FAM136A: variants seen among roughly 807,000 people sequenced by gnomAD.
FAM136A encodes the protein TIM double twin CX3C motif protein.
A neutral mutation model predicts 21.6 loss-of-function variants in FAM136A; 25 were observed. That is an observed-to-expected ratio of 1.16 (90% confidence interval 0.84 to 1.62). FAM136A has a LOEUF of 1.62. FAM136A is among the 40% of genes most tolerant of loss of function. The probability of loss-of-function intolerance (pLI) is 0.00; values close to 1 mark genes in which losing one functional copy is unlikely to be tolerated. For missense variants in FAM136A, 338 were observed against 332.0 expected (o/e 1.02, Z -0.14); for synonymous variants, 119 against 129.4 (o/e 0.92, Z 0.55).
Position 70,300,722 on chromosome 2 carries a change from G to C in FAM136A, c.549+118C>G, listed in dbSNP as rs1315488591. On this transcript the variant is annotated intron_variant, in intron 2 of 2. Coordinates refer to ENST00000430566, the MANE Select transcript of FAM136A (RefSeq NM_001329752.2). ...CCCTGTGAAAACTGGTTGGCCATCA[G>C]TATCACAACTGTTAACAGAACCAAG... The C allele has an allele frequency of 2.4e-6, 3 of 1,261,168 alleles. No individual in the cohort carries two copies. The Admixed American group carries it at 7.3e-5, about 31-fold the overall frequency. 78.1% of individuals were successfully genotyped at this position (1,261,168 alleles called of 1,614,324 possible).
At chr2:70,299,050 A>G (rs1249635276) in intron 2 of FAM136A, among the ~76,000 whole-genome samples, 2 of 152,250 alleles carry the variant, frequency 1.3e-5, no homozygotes, top group Non-Finnish European at 2.9e-5. Context: ...CAAAGACCCC[A>G]TCTATAAAAT....
Position 70,297,033 on chromosome 2 carries a change from C to T in FAM136A, c.*256G>A, listed in dbSNP as rs1165894036. Reference sequence around the variant, plus strand: ...GAAAGCCTTACTGCCAGGACAAGCACTGGCCACAGGAAATAATAAGCTCTA... The same window carrying T: ...GAAAGCCTTACTGCCAGGACAAGCATTGGCCACAGGAAATAATAAGCTCTA... On this transcript the variant is annotated 3_prime_UTR_variant, in exon 3 of 3. Transcript: ENST00000430566. The T allele has an allele frequency of 2.6e-6, 1 of 390,262 alleles. No homozygotes were observed. Among genetic ancestry groups the T allele is most frequent in the Non-Finnish European group, 4.7e-6 (1 of 212,140 alleles). 24.2% of individuals were successfully genotyped at this position (390,262 alleles called of 1,614,324 possible).
chr2:70,301,931 C>A lies in FAM136A; in HGVS notation c.81G>T (p.Lys27Asn). ...TCGGCCCCAGCCCCGCTACCTGCAT[C>A]TTCCGGATGTTCTCTCTTTCCAGAC... is the stretch of plus-strand genomic sequence containing the variant. ...VKSLERENIR[K>N]MQVAGLGPNQ... Residue 27 changes from lysine (K) to asparagine (N), a missense_variant, in exon 1 of 3, where the codon AAG becomes AAT. Coordinates refer to ENST00000430566, the MANE Select transcript of FAM136A (RefSeq NM_001329752.2). The A allele has an allele frequency of 6.2e-7, 1 of 1,608,392 alleles. No individual in the cohort carries two copies. Among genetic ancestry groups the A allele is most frequent in the Non-Finnish European group, 8.5e-7 (1 of 1,178,444 alleles).
chr2:70,297,181 C>T lies in FAM136A; in HGVS notation c.*108G>A. ...GTGACATATGCCTTACGCTTGTGGC[C>T]ATCCTTCATTTCTTCATTCGTAAAC... On this transcript the variant is annotated 3_prime_UTR_variant, in exon 3 of 3. Coordinates refer to ENST00000430566, the MANE Select transcript of FAM136A (RefSeq NM_001329752.2). 1 of 1,142,486 alleles carries T rather than the reference C, an allele frequency of 8.8e-7. No homozygotes were observed. The highest frequency in any genetic ancestry group is 1.6e-5 in the South Asian group (1 of 63,162). 70.8% of individuals were successfully genotyped at this position (1,142,486 alleles called of 1,614,324 possible).
chr2:70,301,259 G>GGTA (rs762135093), intron 1 of FAM136A: 747 of 1,033,362 alleles, frequency 7.2e-4, no homozygotes, highest in Non-Finnish European at 9.8e-4. Context: ...AGTGGGTGAG[G>GGTA]GTAGGGTGGT....
chr2:70,298,426 T>G (rs1027936255), intron 2 of FAM136A, among the ~76,000 whole-genome samples: 2 of 152,244 alleles, frequency 1.3e-5, no homozygotes, highest in African/African-American at 4.8e-5. Context: ...AAACATTCAA[T>G]TCAACAAATA....
chr2:70,301,501 C>A, intron 1 of FAM136A, 103 bp downstream of exon 1: 2 of 1,535,772 alleles, frequency 1.3e-6, no homozygotes, highest in South Asian at 1.2e-5. Flanking sequence ...CGAGGTTGGG[C>A]GCAAGAGAAG....
intron 1 of FAM136A, 92 bp downstream of exon 1, chr2:70,301,512 C>A: frequency 6.5e-7 from 1 of 1,535,914 alleles, no homozygotes; most frequent in Non-Finnish European, 8.7e-7. Context: ...GCAAGAGAAG[C>A]AGGCATGACC....
At position 70,301,609 on chromosome 2, in the gene FAM136A, G is replaced by A. The variant is rs980651866; in HGVS notation, c.403C>T (p.Pro135Ser). ...CTGGGCCTCGGGCCGCTCACCTGCGGAAGGGGCCGCGTAAGAGGGGAAGGT... is the reference window on the plus strand; with the variant it reads ...CTGGGCCTCGGGCCGCTCACCTGCGAAAGGGGCCGCGTAAGAGGGGAAGGT... ...PPPSPLTRPL[P>S]QGLMFRCSAS... Residue 135 changes from proline to serine, a missense_variant, in exon 1 of 3, where the codon CCG becomes TCG. Coordinates refer to ENST00000430566, the MANE Select transcript of FAM136A (RefSeq NM_001329752.2). The A allele has an allele frequency of 6.5e-7, 1 of 1,535,994 alleles. No homozygotes were observed. Among genetic ancestry groups the A allele is most frequent in the Admixed American group, 2.0e-5 (1 of 50,996 alleles).
chr2:70,299,472 G>A (rs915564185), intron 2 of FAM136A, among the ~76,000 whole-genome samples: 1 of 152,186 alleles, frequency 6.6e-6, no homozygotes, highest in African/African-American at 2.4e-5. Context: ...TCCTGGGTGG[G>A]TGTATAAGTC....
chr2:70,301,049 A>G, intron 1 of FAM136A, 69 bp from the exon 2 acceptor site: 2 of 1,511,102 alleles, frequency 1.3e-6, no homozygotes, highest in East Asian at 2.3e-5. Context: ...GGAGCACTAC[A>G]GGAGTTAGAA....
rs1413845964 is a variant in FAM136A at position 70,296,955 on chromosome 2, C to T, written c.*334G>A. 2.5e-5 allele frequency: 5 copies of T among 197,702 alleles called. No homozygotes were observed. The highest frequency in any genetic ancestry group is 7.0e-5 in the African/African-American group (3 of 43,164). The allele number at this position is 197,702 out of a possible 1,614,324, so 12.2% of individuals were successfully genotyped here. A position where few individuals can be genotyped will look rare whatever the true frequency, so the allele number is the denominator to read the frequency against. On this transcript the variant is annotated 3_prime_UTR_variant, in exon 3 of 3. Coordinates refer to ENST00000430566, the MANE Select transcript of FAM136A (RefSeq NM_001329752.2). ...ACTCTAACCTGCCAGCCTGTTAGTA[C>T]CTGTGTAGTAAGAAGAGTCTGGTAC... is the stretch of plus-strand genomic sequence containing the variant.
rs373988641 is a variant in FAM136A at position 70,297,472 on chromosome 2, G to A, written c.555C>T (p.Arg185=). ...VTSELEKFQD[R]LARCTMHCND... is the part of the protein sequence containing the mutation. ...TGCAATGCATGGTGCACCGGGCCAG[G>A]CGGTCCTGTGGCAAGAAGGAAGAAC... Residue 185 remains arginine (R), a synonymous_variant, in exon 3 of 3, where the codon CGC becomes CGT. Transcript: ENST00000430566. The A allele has an allele frequency of 6.2e-6, 10 of 1,613,730 alleles. No homozygotes were observed. Among genetic ancestry groups the A allele is most frequent in the Non-Finnish European group, 8.5e-6 (10 of 1,179,734 alleles).
At chr2:70,300,683 T>C (rs761069933) in intron 2 of FAM136A, 157 bp downstream of exon 2, 21 of 842,518 alleles carry the variant, frequency 2.5e-5, no homozygotes, top group Non-Finnish European at 3.8e-5. Flanking sequence ...CAAGACTTTT[T>C]CCAAAATTTC....
intron 1 of FAM136A, chr2:70,301,392 T>C: frequency 2.0e-6 from 3 of 1,524,100 alleles, no homozygotes; most frequent in Non-Finnish European, 2.6e-6. Context: ...AGGGGCACTA[T>C]CTGGGAAACG....
intron 2 of FAM136A, among the ~76,000 whole-genome samples, chr2:70,297,816 A>AT (rs1463240879): frequency 1.3e-5 from 2 of 151,482 alleles, no homozygotes; most frequent in Non-Finnish European, 2.9e-5. Flanking sequence ...CTTAAAAATT[A>AT]TTTTTGTAGA....
rs1037677338 is a variant in FAM136A at position 70,296,605 on chromosome 2, C to T, written c.*684G>A. ...ATCACCTCTCATGTTTCTGCACAGTCTCCAGGCTGAAAGATGCAGCATGTA... is the reference window on the plus strand; with the variant it reads ...ATCACCTCTCATGTTTCTGCACAGTTTCCAGGCTGAAAGATGCAGCATGTA... On this transcript the variant is annotated 3_prime_UTR_variant, in exon 3 of 3. Transcript: ENST00000430566. 1 of 152,256 alleles carries T rather than the reference C, an allele frequency of 6.6e-6. No homozygotes were observed. Among genetic ancestry groups the T allele is most frequent in the African/African-American group, 2.4e-5 (1 of 41,454 alleles). 9.4% of individuals were successfully genotyped at this position (152,256 alleles called of 1,614,324 possible). A position where few individuals can be genotyped will look rare whatever the true frequency, so the allele number is the denominator to read the frequency against.
At chr2:70,299,192 T>G (rs893187080) in intron 2 of FAM136A, among the ~76,000 whole-genome samples, 1 of 152,240 alleles carries the variant, frequency 6.6e-6, no homozygotes, top group Non-Finnish European at 1.5e-5. Context: ...TATGTATAAG[T>G]TTCCATGTGG....
At position 70,302,039 on chromosome 2, in the gene FAM136A, C is replaced by G. The variant is rs892738205; in HGVS notation, c.-28G>C. 2.6e-6 allele frequency: 4 copies of G among 1,549,768 alleles called. No individual in the cohort carries two copies. The highest frequency in any genetic ancestry group is 1.5e-5 in the African/African-American group (1 of 68,410). ...CGACCCCGCGCTGCCCCGCGGCGCT[C>G]CGCGCCGGCGCCCATATGGAATCGG... On this transcript the variant is annotated 5_prime_UTR_variant, in exon 1 of 3. Transcript: ENST00000430566.
Sources: allele counts gnomAD v4.1 joint callset (sites outside exome capture counted in the v4.1 genomes callset), GRCh38; gene constraint gnomAD v4.1.1; transcripts MANE v1.5; gene names NCBI Gene and HGNC (gene_info 2026-07-23, HGNC 2026-07-21).